Variants in MAN2A1 observed in about 807,000 individuals in gnomAD.
MAN2A1 encodes alpha-mannosidase 2.
In MAN2A1, 76 loss-of-function variants were observed where a neutral mutation model predicts 142.6. That is an observed-to-expected ratio of 0.53 (90% CI 0.44 to 0.65). MAN2A1 has a LOEUF of 0.65. MAN2A1 is among the 30% of genes least tolerant of loss of function. The pLI, the probability that MAN2A1 is intolerant of heterozygous loss-of-function variation, is 0.00. For synonymous variants in MAN2A1, 559 were observed against 473.2 expected (o/e 1.18, Z -2.35); for missense variants, 1,311 against 1,365.1 (o/e 0.96, Z 0.62).
At chr5:109,819,462 GTATTTTT>G (rs1290747793) in intron 13 of MAN2A1, among the ~76,000 whole-genome samples, 200 bp from the exon 14 acceptor site, 2 of 150,916 alleles carry the variant, frequency 1.3e-5, no homozygotes, top group East Asian at 1.9e-4. Context: ...GTTTTTATTT[GTATTTTT>G]TGTTTTTTGT....
rs148637941 is a variant in MAN2A1, at chr5:109,823,754, G to C, written c.2483G>C (p.Arg828Thr). 4.3e-5 allele frequency: 69 copies of C among 1,608,258 alleles called. No homozygotes were observed. The highest frequency in any genetic ancestry group is 1.2e-4 in the African/African-American group (9 of 74,676). Residue 828 changes from arginine (R) to threonine (T), a missense_variant, in exon 16 of 22, where the codon AGA becomes ACA. Physicochemically the swap from Arg to Thr is moderately conservative, Grantham distance 71. Transcript: ENST00000261483. ...GTTTACACAACACCGCCCTTTGTCA[G>C]AGTGACACATGGAAGGATTTATTCG... ...PYVYTTPPFVRVTHGRIYSEV... is the reference protein window; with the variant it reads ...PYVYTTPPFVTVTHGRIYSEV...
intron 12 of MAN2A1, among the ~76,000 whole-genome samples, chr5:109,792,462 G>A (rs999441500): frequency 6.6e-6 from 1 of 151,956 alleles, no homozygotes; most frequent in African/African-American, 2.4e-5. Context: ...AGTTATCAGA[G>A]GAATCTAGCC....
chr5:109,716,298 T>A (rs1221926159), intron 3 of MAN2A1, 34 bp downstream of exon 3: 4 of 1,568,840 alleles, frequency 2.5e-6, no homozygotes, highest in Non-Finnish European at 3.5e-6. Flanking sequence ...CAGGAGGTTA[T>A]TAAGTTTCTT....
chr5:109,704,115 G>C (rs1278025343), intron 1 of MAN2A1, among the ~76,000 whole-genome samples: 1 of 152,204 alleles, frequency 6.6e-6, no homozygotes, highest in Non-Finnish European at 1.5e-5. Context: ...CAGCTACTAA[G>C]TTGGTGGCCC....
rs113395451 is a variant in MAN2A1, at chr5:109,792,853, G to A, written c.1943+3326G>A. Among the ~76,000 whole-genome samples, 63 of 152,076 alleles carry A rather than the reference G, an allele frequency of 4.1e-4. 1 individual carries two copies. The highest frequency in any genetic ancestry group is 1.4e-3 in the African/African-American group (59 of 41,482). Reference sequence around the variant, plus strand: ...ACACATGGCCTCTCCATATGACTTGGGCTTCTCTAACCATAGTGGCTGGTT... The same window carrying A: ...ACACATGGCCTCTCCATATGACTTGAGCTTCTCTAACCATAGTGGCTGGTT... On this transcript the variant is annotated intron_variant, in intron 12 of 21. Coordinates refer to ENST00000261483, the MANE Select transcript of MAN2A1 (RefSeq NM_002372.4).
rs6594401 is a variant in MAN2A1, at chr5:109,819,507, A to G, written c.2110-162A>G. 0.74 allele frequency among the ~76,000 whole-genome samples: 112,528 copies of G among 151,936 alleles called. 42,897 individuals carry two copies. Among genetic ancestry groups the G allele is most frequent in the East Asian group, 0.94 (4,859 of 5,182 alleles). On this transcript the variant is annotated intron_variant, in intron 13 of 21. Transcript: ENST00000261483. ...TTTTTTCAAACATTTTTTATCTGTA[A>G]TTGGTTGAAACTGTGGACATGGAAC... is the stretch of plus-strand genomic sequence containing the variant.
At chr5:109,766,609 T>C (rs992498667) in intron 5 of MAN2A1, among the ~76,000 whole-genome samples, 1 of 152,144 alleles carries the variant, frequency 6.6e-6, no homozygotes, top group Non-Finnish European at 1.5e-5. Flanking sequence ...CTCTGCAAAC[T>C]AGAGTCAAGA....
chr5:109,772,013 T>C (rs892634742), intron 7 of MAN2A1, among the ~76,000 whole-genome samples: 2 of 152,154 alleles, frequency 1.3e-5, no homozygotes, highest in African/African-American at 4.8e-5. Context: ...CTTGTGCTCA[T>C]TTAGTTCCAG....
At chr5:109,755,216 G>C (rs114666908) in intron 4 of MAN2A1, 113 bp from the exon 5 acceptor site, 1 of 789,198 alleles carries the variant, frequency 1.3e-6, no homozygotes, top group African/African-American at 1.7e-5. Flanking sequence ...TTGACAACTA[G>C]TATACATACT....
chr5:109,857,434 C>T (rs1393335690), intron 20 of MAN2A1, among the ~76,000 whole-genome samples: 2 of 152,060 alleles, frequency 1.3e-5, no homozygotes, highest in Non-Finnish European at 2.9e-5. Context: ...TTGAGGTTAC[C>T]ACCACCCAGC....
Position 109,767,725 on chromosome 5 carries a change from G to T in MAN2A1, c.1009+17G>T. On this transcript the variant is annotated intron_variant, in intron 6 of 21. Transcript: ENST00000261483. ...AGAATTGGGGTATGTAGGGTTTGAT[G>T]AAAGTTGATCCCATTTGGCCTAGAT... 4 of 1,603,246 alleles carry T rather than the reference G, an allele frequency of 2.5e-6. No homozygotes were observed. The highest frequency in any genetic ancestry group is 3.4e-6 in the Non-Finnish European group (4 of 1,177,134).
At chr5:109,825,896 C>T (rs1754743689) in intron 16 of MAN2A1, among the ~76,000 whole-genome samples, 1 of 140,948 alleles carries the variant, frequency 7.1e-6, no homozygotes, top group Admixed American at 7.4e-5. Flanking sequence ...TCTTTCTTTC[C>T]TTCCTTTTTT....
chr5:109,817,215 T>C, intron 12 of MAN2A1, 58 bp from the exon 13 acceptor site: 1 of 1,459,658 alleles, frequency 6.9e-7, no homozygotes, highest in Non-Finnish European at 9.6e-7. Flanking sequence ...CATGTATATG[T>C]ATATGTAAGA....
At chr5:109,766,375 A>G (rs771398618) in intron 5 of MAN2A1, among the ~76,000 whole-genome samples, 9 of 152,208 alleles carry the variant, frequency 5.9e-5, no homozygotes, top group Non-Finnish European at 8.8e-5. Context: ...TGTAAATTAC[A>G]TATGTGAAAT....
At chr5:109,748,165 A>G (rs974966584) in intron 4 of MAN2A1, among the ~76,000 whole-genome samples, 3 of 152,174 alleles carry the variant, frequency 2.0e-5, no homozygotes, top group Non-Finnish European at 4.4e-5. Flanking sequence ...GTGAGCATGG[A>G]TGAAAGTACA....
chr5:109,818,414 A>T (rs572629556), intron 13 of MAN2A1, among the ~76,000 whole-genome samples: 2 of 152,060 alleles, frequency 1.3e-5, no homozygotes, highest in Non-Finnish European at 2.9e-5. Flanking sequence ...ATCATCTTTT[A>T]GATAGAAAGG....
intron 12 of MAN2A1, among the ~76,000 whole-genome samples, chr5:109,810,552 G>A (rs866269739): frequency 2.6e-5 from 4 of 152,102 alleles, no homozygotes; most frequent in Non-Finnish European, 5.9e-5. Context: ...GGCACTTGTC[G>A]TAATGAAAAA....
At chr5:109,832,880 G>A (rs1288359155) in intron 16 of MAN2A1, among the ~76,000 whole-genome samples, 2 of 147,876 alleles carry the variant, frequency 1.4e-5, no homozygotes, top group Non-Finnish European at 2.9e-5. Context: ...CAGACGGGGC[G>A]GCTGCCGGGC....
intron 12 of MAN2A1, among the ~76,000 whole-genome samples, chr5:109,796,972 C>G (rs1457086622): frequency 6.6e-6 from 1 of 152,154 alleles, no homozygotes; most frequent in Non-Finnish European, 1.5e-5. Flanking sequence ...CATCCCCTGG[C>G]AAATACCTGG....
Sources: gnomAD v4.1 joint callset for allele counts (sites outside exome capture counted in the v4.1 genomes callset) on GRCh38, gnomAD v4.1.1 for gene constraint, MANE v1.5 for transcripts, NCBI Gene and HGNC (gene_info 2026-07-23, HGNC 2026-07-21) for gene names.